ARHGAP28: variants seen among roughly 807,000 people sequenced by gnomAD.
ARHGAP28 encodes the protein rho GTPase-activating protein 28.
In ARHGAP28, 56 loss-of-function variants were observed where a neutral mutation model predicts 90.7. The observed-to-expected ratio is 0.62, with a 90% CI of 0.50 to 0.77. The LOEUF is 0.77. Among genes scored for constraint, ARHGAP28 ranks in the 30% least tolerant of loss-of-function variants. The probability of loss-of-function intolerance (pLI) is 0.00; values close to 1 mark genes in which losing one functional copy is unlikely to be tolerated. For missense variants in ARHGAP28, 869 were observed against 900.9 expected, an observed-to-expected ratio of 0.96 and a Z score of 0.45; for synonymous variants, 308 against 323.3, an observed-to-expected ratio of 0.95 and a Z score of 0.51.
chr18:6,871,980 GGAA>G (rs2057093533), intron 7 of ARHGAP28, among the ~76,000 whole-genome samples: 1 of 152,198 alleles, frequency 6.6e-6, no homozygotes, highest in South Asian at 2.1e-4. Context: ...GCAGCTAGTG[GGAA>G]GCAGAAATAG....
At chr18:6,828,244 G>T (rs1259197062) in intron 2 of ARHGAP28, among the ~76,000 whole-genome samples, 5 of 152,168 alleles carry the variant, frequency 3.3e-5, no homozygotes, top group African/African-American at 1.2e-4. Context: ...GCAGGCACTC[G>T]GCAGGCCCAG....
At chr18:6,787,585 T>G (rs1233646901) in intron 1 of ARHGAP28, among the ~76,000 whole-genome samples, 1 of 152,220 alleles carries the variant, frequency 6.6e-6, no homozygotes, top group Admixed American at 6.5e-5. Context: ...TAAGACAATA[T>G]AGCATAATGC....
At position 6,889,686 on chromosome 18, in the gene ARHGAP28, T is replaced by C. The variant is rs55959153; in HGVS notation, c.1537-202T>C. 8.0e-3 allele frequency among the ~76,000 whole-genome samples: 1,212 copies of C among 152,292 alleles called. 7 individuals carry two copies. The highest frequency in any genetic ancestry group is 0.014 in the Non-Finnish European group (920 of 68,028). ...ATAAAATCCATTAAAATGGCTACTT[T>C]CATGAAGCAGACAGTTGAATATACT... On this transcript the variant is annotated intron_variant, in intron 12 of 17. Transcript: ENST00000383472.
intron 1 of ARHGAP28, among the ~76,000 whole-genome samples, chr18:6,781,832 C>G (rs1235662791): frequency 6.6e-6 from 1 of 152,182 alleles, no homozygotes; most frequent in Non-Finnish European, 1.5e-5. Context: ...CAGTTGATAT[C>G]TCTTTTCAAA....
chr18:6,771,244 A>G (rs543091176), intron 1 of ARHGAP28, among the ~76,000 whole-genome samples: 2 of 152,064 alleles, frequency 1.3e-5, no homozygotes, highest in African/African-American at 2.4e-5. Context: ...GTATCTCACT[A>G]TGTTGTCCAG....
chr18:6,900,377 A>T (rs1297390147), intron 16 of ARHGAP28, among the ~76,000 whole-genome samples: 1 of 152,230 alleles, frequency 6.6e-6, no homozygotes, highest in Non-Finnish European at 1.5e-5. Context: ...TTTTATAGCA[A>T]CTATCACAAA....
chr18:6,903,922 G>A (rs1441766078), intron 16 of ARHGAP28, among the ~76,000 whole-genome samples: 1 of 150,132 alleles, frequency 6.7e-6, no homozygotes, highest in African/African-American at 2.5e-5. Context: ...ATCATACAAA[G>A]CATCTTCTCT....
chr18:6,878,993 G>C (rs1225922088), intron 10 of ARHGAP28, among the ~76,000 whole-genome samples: 1 of 152,166 alleles, frequency 6.6e-6, no homozygotes, highest in Non-Finnish European at 1.5e-5. Context: ...TGGTCCGCTA[G>C]TGTATCATTA....
chr18:6,762,757 G>A (rs916542979), intron 1 of ARHGAP28, among the ~76,000 whole-genome samples: 1 of 152,002 alleles, frequency 6.6e-6, no homozygotes, highest in Non-Finnish European at 1.5e-5. Flanking sequence ...AGCCATCTAT[G>A]AGCCAAGGAG....
chr18:6,859,042 A>G (rs1305017451), intron 4 of ARHGAP28, among the ~76,000 whole-genome samples: 1 of 152,004 alleles, frequency 6.6e-6, no homozygotes, highest in African/African-American at 2.4e-5. Context: ...ACCATACTAC[A>G]CTGCAACAAA....
intron 1 of ARHGAP28, 200 bp downstream of exon 1, chr18:6,730,143 T>G: frequency 2.2e-6 from 1 of 458,996 alleles, no homozygotes; most frequent in Non-Finnish European, 3.5e-6. Context: ...TCCACCAGCC[T>G]GGGCTGAAGT....
At chr18:6,805,712 C>T (rs2056514066) in intron 1 of ARHGAP28, among the ~76,000 whole-genome samples, 2 of 151,900 alleles carry the variant, frequency 1.3e-5, no homozygotes, top group Non-Finnish European at 2.9e-5. Context: ...TCTCGAACTC[C>T]TGACCTCAGG....
chr18:6,882,410 A>G, intron 11 of ARHGAP28, 111 bp downstream of exon 11: 1 of 1,056,840 alleles, frequency 9.5e-7, no homozygotes, highest in South Asian at 1.9e-5. Flanking sequence ...CTGTGTCCTG[A>G]CAGTGCTTGG....
chr18:6,786,084 G>A (rs1426816586), intron 1 of ARHGAP28, among the ~76,000 whole-genome samples: 1 of 152,140 alleles, frequency 6.6e-6, no homozygotes, highest in East Asian at 1.9e-4. Context: ...ACAATTGGGA[G>A]GGAGGTTTAT....
chr18:6,770,316 A>G (rs1032388253), intron 1 of ARHGAP28, among the ~76,000 whole-genome samples: 1 of 152,220 alleles, frequency 6.6e-6, no homozygotes, highest in Non-Finnish European at 1.5e-5. Flanking sequence ...ACTTGAAGTT[A>G]TCCTTTCATT....
chr18:6,747,737 T>C (rs1434763128), intron 1 of ARHGAP28, among the ~76,000 whole-genome samples: 5 of 152,162 alleles, frequency 3.3e-5, no homozygotes, highest in African/African-American at 1.2e-4. Flanking sequence ...GTAGCTGATT[T>C]AATAGCTACT....
intron 4 of ARHGAP28, among the ~76,000 whole-genome samples, chr18:6,858,079 T>C (rs114877777): frequency 0.015 from 2,331 of 152,282 alleles, 66 homozygotes; most frequent in African/African-American, 0.053. Flanking sequence ...GTTCCTTCTC[T>C]CTTAGACTTC....
intron 2 of ARHGAP28, among the ~76,000 whole-genome samples, chr18:6,825,762 C>T (rs2143778576): frequency 6.6e-6 from 1 of 152,310 alleles, no homozygotes; most frequent in East Asian, 1.9e-4. Flanking sequence ...CAGCTCCATT[C>T]TCATTGCTGC....
At chr18:6,803,300 G>A (rs1453106670) in intron 1 of ARHGAP28, among the ~76,000 whole-genome samples, 2 of 152,074 alleles carry the variant, frequency 1.3e-5, no homozygotes, top group East Asian at 1.9e-4. Flanking sequence ...AAAGGATGCT[G>A]GATTTTGTCA....
Sources: gnomAD v4.1 joint callset for allele counts (sites outside exome capture counted in the v4.1 genomes callset) on GRCh38, gnomAD v4.1.1 for gene constraint, MANE v1.5 for transcripts, NCBI Gene and HGNC (gene_info 2026-07-23, HGNC 2026-07-21) for gene names.